The following EIF4G2 variants were observed in gnomAD, a reference collection of about 807,000 sequenced individuals.
EIF4G2 encodes the protein eukaryotic translation initiation factor 4 gamma 2.
A neutral mutation model predicts 117.7 loss-of-function variants in EIF4G2; 8 were observed. That is an observed-to-expected ratio of 0.07 (90% CI 0.04 to 0.12). The LOEUF (loss-of-function observed/expected upper bound fraction) is 0.12, where lower values mean the gene tolerates loss of function less well. Ranked by LOEUF, EIF4G2 falls within the 10% of genes least tolerant of loss-of-function variation. EIF4G2 has a pLI of 1.00. For synonymous variants in EIF4G2, 413 were observed against 367.8 expected, an observed-to-expected ratio of 1.12 and a Z score of -1.41; for missense variants, 812 against 1,086.2, an observed-to-expected ratio of 0.75 and a Z score of 3.55.
At chr11:10,805,840 A>G in intron 4 of EIF4G2, 67 bp downstream of exon 4, 2 of 1,607,722 alleles carry the variant, frequency 1.2e-6, no homozygotes. Flanking sequence ...TTAGTAATAC[A>G]GCACACACAC....
chr11:10,807,022 T>C lies in EIF4G2; in HGVS notation c.42-137A>G. ...TGCCCAGACTGGAGCCAGGCCTGTA[T>C]TTTAGTGCTTGTATATTATGCTACA... On this transcript the variant is annotated intron_variant, in intron 2 of 21. Transcript: ENST00000339995. 7.8e-6 allele frequency: 9 copies of C among 1,158,012 alleles called. No homozygotes were observed. The South Asian group carries it at 9.7e-5, about 12-fold the overall frequency. The allele number at this position is 1,158,012 out of a possible 1,614,324, so 71.7% of individuals were successfully genotyped here. A position where few individuals can be genotyped will look rare whatever the true frequency, so the allele number is the denominator to read the frequency against.
At chr11:10,804,772 C>T in intron 5 of EIF4G2, 141 bp downstream of exon 5, 1 of 674,314 alleles carries the variant, frequency 1.5e-6, no homozygotes, top group South Asian at 2.0e-5. Context: ...TCTTTTTAAT[C>T]ACCATCAGTA....
At chr11:10,800,682 T>C (rs746648045) in intron 16 of EIF4G2, 35 bp from the exon 17 acceptor site, 85 of 1,613,478 alleles carry the variant, frequency 5.3e-5, no homozygotes, top group Non-Finnish European at 7.0e-5. Context: ...ATGTATTCTC[T>C]ATCTCAAATA....
chr11:10,804,104 ACAG>A (rs1337868834), intron 7 of EIF4G2, 30 bp downstream of exon 7: 1 of 1,613,226 alleles, frequency 6.2e-7, no homozygotes, highest in South Asian at 1.1e-5. Flanking sequence ...CTGAAAATAT[ACAG>A]TAGTACTTAT....
rs775129446 is a variant in EIF4G2, at chr11:10,800,366, A to T, written c.1861-18T>A. ...AGGAAAGCCTTGAAAGAAATATACAACAGTTTATCAGTTTTCGAATTTGAG... is the reference window on the plus strand; with the variant it reads ...AGGAAAGCCTTGAAAGAAATATACATCAGTTTATCAGTTTTCGAATTTGAG... On this transcript the variant is annotated intron_variant, in intron 17 of 21. Transcript: ENST00000339995. 2 of 1,612,916 alleles carry T rather than the reference A, an allele frequency of 1.2e-6. No homozygotes were observed. The highest frequency in any genetic ancestry group is 1.7e-5 in the Admixed American group (1 of 59,972).
Position 10,800,328 on chromosome 11 carries a change from G to A in EIF4G2, c.1881C>T (p.Asp627=), listed in dbSNP as rs755513332. The change falls in exon 18 of 22, where the codon GAC becomes GAT. Residue 627 remains aspartate, a synonymous_variant. Coordinates refer to ENST00000339995, the MANE Select transcript of EIF4G2 (RefSeq NM_001418.4). Reference sequence around the variant, plus strand: ...TGTCAACCTCCAGTTTGGGACACTGGTCCAATACATTCAGGAAAGCCTTGA... The same window carrying A: ...TGTCAACCTCCAGTTTGGGACACTGATCCAATACATTCAGGAAAGCCTTGA... 1.2e-6 allele frequency: 2 copies of A among 1,613,962 alleles called. No individual in the cohort carries two copies. Among genetic ancestry groups the A allele is most frequent in the Non-Finnish European group, 8.5e-7 (1 of 1,179,852 alleles).
chr11:10,801,876 T>C, intron 13 of EIF4G2, 102 bp from the exon 14 acceptor site: 1 of 1,249,348 alleles, frequency 8.0e-7, no homozygotes, highest in Non-Finnish European at 1.1e-6. Context: ...TTAGTTTAAC[T>C]GAATTTGCCC....
intron 2 of EIF4G2, 99 bp downstream of exon 2, chr11:10,807,156 T>A: frequency 6.7e-7 from 1 of 1,499,868 alleles, no homozygotes; most frequent in Non-Finnish European, 8.9e-7. Context: ...ACTTTTCAAA[T>A]GAAAATTGCA....
At chr11:10,806,770 CT>C in intron 3 of EIF4G2, 49 bp downstream of exon 3, 1 of 1,597,418 alleles carries the variant, frequency 6.3e-7, no homozygotes, top group Non-Finnish European at 8.6e-7. Flanking sequence ...ATGGGAAAGA[CT>C]TTTAATCTGT....
At chr11:10,806,646 A>G in intron 3 of EIF4G2, 174 bp downstream of exon 3, 1 of 624,616 alleles carries the variant, frequency 1.6e-6, no homozygotes, top group East Asian at 2.7e-5. Flanking sequence ...CTCACTTAGA[A>G]AATTTGGCTA....
intron 19 of EIF4G2, 34 bp downstream of exon 19, chr11:10,799,518 A>G (rs1312926984): frequency 3.1e-6 from 5 of 1,610,294 alleles, no homozygotes; most frequent in Non-Finnish European, 4.2e-6. Context: ...CAGTACATGA[A>G]ACATTACCAT....
At position 10,798,982 on chromosome 11, in the gene EIF4G2, A is replaced by G. The variant is rs762360583; in HGVS notation, c.2658+10T>C. The G allele has an allele frequency of 1.6e-5, 25 of 1,586,650 alleles. No homozygotes were observed. Among genetic ancestry groups the G allele is most frequent in the East Asian group, 1.6e-4 (7 of 44,722 alleles). Reference sequence around the variant, plus strand: ...AAGTAAGCAGACCAAATTTTTAACAAAAGACTTACCTGGAACAAAGCCTTG... The same window carrying G: ...AAGTAAGCAGACCAAATTTTTAACAGAAGACTTACCTGGAACAAAGCCTTG... On this transcript the variant is annotated intron_variant, in intron 21 of 21. Coordinates refer to ENST00000339995, the MANE Select transcript of EIF4G2 (RefSeq NM_001418.4).
rs779696469 is a variant in EIF4G2 at position 10,801,791 on chromosome 11, G to C, written c.1300-17C>G. 32 of 1,608,498 alleles carry C rather than the reference G, an allele frequency of 2.0e-5. No individual in the cohort carries two copies. In the East Asian group the frequency reaches 6.7e-4, roughly 34 times the overall value. On this transcript the variant is annotated splice_polypyrimidine_tract_variant and intron_variant, in intron 13 of 21. Transcript: ENST00000339995. Reference sequence around the variant, plus strand: ...GCTTAGCCCCTATTTCAGAAAAGGAGAAAGAAAGTCTAGATAAAAAGGGGT... The same window carrying C: ...GCTTAGCCCCTATTTCAGAAAAGGACAAAGAAAGTCTAGATAAAAAGGGGT...
chr11:10,797,683 C>G lies in EIF4G2; in HGVS notation c.*133G>C. Reference sequence around the variant, plus strand: ...AAAAAAACCTTATGCAGAAGGAAATCCTAACTGACGTGCTTCTGCTTTAAA... The same window carrying G: ...AAAAAAACCTTATGCAGAAGGAAATGCTAACTGACGTGCTTCTGCTTTAAA... On this transcript the variant is annotated 3_prime_UTR_variant, in exon 22 of 22. Transcript: ENST00000339995. The surrounding 1 kb of genome is among the most constrained non-coding windows in gnomAD (Gnocchi z 4.5). 1 of 933,334 alleles carries G rather than the reference C, an allele frequency of 1.1e-6. No individual in the cohort carries two copies. The highest frequency in any genetic ancestry group is 2.4e-5 in the East Asian group (1 of 41,362). 57.8% of individuals were successfully genotyped at this position (933,334 alleles called of 1,614,324 possible). A position where few individuals can be genotyped will look rare whatever the true frequency, so the allele number is the denominator to read the frequency against.
At chr11:10,806,942 A>AG (rs1847591705) in intron 2 of EIF4G2, 57 bp from the exon 3 acceptor site, 1 of 1,336,282 alleles carries the variant, frequency 7.5e-7, no homozygotes, top group African/African-American at 2.8e-5. Flanking sequence ...CTCAAAAAGA[A>AG]TAAGCATCTA....
At position 10,803,317 on chromosome 11, in the gene EIF4G2, A is replaced by G; in HGVS notation, c.814-23T>C. Reference sequence around the variant, plus strand: ...GGACTGATAAGAGAAGAATACATTCATTGGAAGAGCTAAAGCAAATGTGTT... The same window carrying G: ...GGACTGATAAGAGAAGAATACATTCGTTGGAAGAGCTAAAGCAAATGTGTT... On this transcript the variant is annotated intron_variant, in intron 9 of 21. Transcript: ENST00000339995. The surrounding 1 kb of genome is among the most constrained non-coding windows in gnomAD (Gnocchi z 4.0). The G allele has an allele frequency of 3.1e-6, 5 of 1,609,320 alleles. No individual in the cohort carries two copies. Among genetic ancestry groups the G allele is most frequent in the Non-Finnish European group, 4.2e-6 (5 of 1,177,838 alleles).
Position 10,802,441 on chromosome 11 carries a change from G to A in EIF4G2, c.997-6C>T. The A allele has an allele frequency of 1.3e-6, 2 of 1,561,174 alleles. No individual in the cohort carries two copies. Among genetic ancestry groups the A allele is most frequent in the South Asian group, 1.2e-5 (1 of 83,348 alleles). On this transcript the variant is annotated splice_polypyrimidine_tract_variant and splice_region_variant and intron_variant, in intron 11 of 21. Coordinates refer to ENST00000339995, the MANE Select transcript of EIF4G2 (RefSeq NM_001418.4). ...GGAATAAACACCCCTAGATCCTTTA[G>A]AAATGAAGTGAATATGCACTTTTTG...
At chr11:10,807,951 CA>C in intron 1 of EIF4G2, 1 of 1,019,228 alleles carries the variant, frequency 9.8e-7, no homozygotes, top group Non-Finnish European at 1.2e-6. Context: ...TTCCTGGGAA[CA>C]AAAGAGCGGA....
chr11:10,804,018 C>G lies in EIF4G2; in HGVS notation c.583G>C (p.Glu195Gln). 1 of 1,613,926 alleles carries G rather than the reference C, an allele frequency of 6.2e-7. No homozygotes were observed. The highest frequency in any genetic ancestry group is 8.5e-7 in the Non-Finnish European group (1 of 1,179,978). ...GCAATGGCTCTCTGTTCCTCCTCCTCGGGGAGGAGGGGATTTTCACGCTTA... is the reference window on the plus strand; with the variant it reads ...GCAATGGCTCTCTGTTCCTCCTCCTGGGGGAGGAGGGGATTTTCACGCTTA... Residue 195 changes from glutamate (E) to glutamine (Q), a missense_variant, in exon 8 of 22, where the codon GAG (glutamate) becomes CAG (glutamine). By Grantham distance (29) the Glu-to-Gln change is conservative (BLOSUM62 2). Transcript: ENST00000339995.
Sources: gnomAD v4.1 joint callset for allele counts on GRCh38, gnomAD v4.1.1 for gene constraint, Gnocchi (gnomAD v3.1) non-coding constraint, MANE v1.5 for transcripts, NCBI Gene and HGNC (gene_info 2026-07-23, HGNC 2026-07-21) for gene names.